Variants in SLC25A21 observed in about 807,000 individuals in gnomAD.
The protein encoded by SLC25A21 is mitochondrial 2-oxodicarboxylate carrier.
SLC25A21 carries 47 observed loss-of-function variants against 43.8 expected under a neutral mutation model. That is an observed-to-expected ratio of 1.07 (90% CI 0.85 to 1.37). SLC25A21 has a LOEUF of 1.37. SLC25A21 is among the 40% of genes most tolerant of loss of function. The probability of loss-of-function intolerance (pLI) is 0.00; values close to 1 mark genes in which losing one functional copy is unlikely to be tolerated. For missense variants in SLC25A21, 352 were observed against 350.2 expected, an observed-to-expected ratio of 1.00 and a Z score of -0.04; for synonymous variants, 131 against 121.3, an observed-to-expected ratio of 1.08 and a Z score of -0.52.
At chr14:36,960,003 T>G (rs146505286) in intron 1 of SLC25A21, among the ~76,000 whole-genome samples, 22 of 152,260 alleles carry the variant, frequency 1.4e-4, no homozygotes, top group Non-Finnish European at 2.6e-4. Flanking sequence ...AGAATACACT[T>G]TCTGCTTCTC....
At chr14:37,164,353 T>A (rs552257693) in intron 1 of SLC25A21, among the ~76,000 whole-genome samples, 1 of 152,318 alleles carries the variant, frequency 6.6e-6, no homozygotes, top group East Asian at 1.9e-4. Context: ...AAATAAGGGT[T>A]ATTTTTTTCT....
intron 2 of SLC25A21, among the ~76,000 whole-genome samples, chr14:36,817,741 C>G (rs534326190): frequency 6.6e-6 from 1 of 152,258 alleles, no homozygotes; most frequent in Non-Finnish European, 1.5e-5. Context: ...CGTCCTATGT[C>G]TAGATATTCA....
intron 1 of SLC25A21, among the ~76,000 whole-genome samples, chr14:36,958,663 A>C (rs1959403296): frequency 6.9e-6 from 1 of 144,716 alleles, no homozygotes; most frequent in African/African-American, 2.7e-5. Context: ...GTAGAGATGT[A>C]CACATAAGCA....
At chr14:37,007,377 C>G (rs1323318216) in intron 1 of SLC25A21, among the ~76,000 whole-genome samples, 5 of 151,920 alleles carry the variant, frequency 3.3e-5, no homozygotes. Context: ...CTGAGGCAGT[C>G]AGATCACTTA....
At chr14:37,132,039 A>G (rs560431252) in intron 1 of SLC25A21, among the ~76,000 whole-genome samples, 1 of 152,248 alleles carries the variant, frequency 6.6e-6, no homozygotes, top group African/African-American at 2.4e-5. Flanking sequence ...TAAGTCCAAT[A>G]CCAAGATGCC....
At chr14:36,779,619 T>C (rs1361160921) in intron 3 of SLC25A21, among the ~76,000 whole-genome samples, 1 of 82,650 alleles carries the variant, frequency 1.2e-5, no homozygotes, top group Non-Finnish European at 2.4e-5. Flanking sequence ...CATATATATA[T>C]ATATATATAT....
chr14:37,137,847 C>T (rs1281733474), intron 1 of SLC25A21, among the ~76,000 whole-genome samples: 3 of 152,046 alleles, frequency 2.0e-5, no homozygotes, highest in Non-Finnish European at 4.4e-5. Context: ...TCAATGAATT[C>T]GTTCTACAGG....
chr14:36,984,195 A>C (rs1309315131), intron 1 of SLC25A21, among the ~76,000 whole-genome samples: 1 of 152,196 alleles, frequency 6.6e-6, no homozygotes, highest in African/African-American at 2.4e-5. Flanking sequence ...AATAGTGGCA[A>C]TTGGATTCTG....
chr14:36,683,261 C>T (rs1454325197), intron 9 of SLC25A21, among the ~76,000 whole-genome samples: 2 of 152,164 alleles, frequency 1.3e-5, no homozygotes, highest in Non-Finnish European at 2.9e-5. Context: ...TGTGGGTAGG[C>T]GTCCTGAAGT....
At chr14:36,735,957 G>C (rs1352524869) in intron 3 of SLC25A21, among the ~76,000 whole-genome samples, 1 of 57,524 alleles carries the variant, frequency 1.7e-5, no homozygotes, top group African/African-American at 9.4e-5. Context: ...TTTTTTTTGA[G>C]ACCGAGTCTC....
intron 1 of SLC25A21, among the ~76,000 whole-genome samples, chr14:36,879,575 T>C (rs531239113): frequency 3.3e-5 from 5 of 152,264 alleles, no homozygotes; most frequent in African/African-American, 1.2e-4. Context: ...AATGCATGGG[T>C]TATCCCCTGA....
intron 1 of SLC25A21, among the ~76,000 whole-genome samples, chr14:37,112,879 A>G: frequency 6.6e-6 from 1 of 152,134 alleles, no homozygotes; most frequent in East Asian, 1.9e-4. Flanking sequence ...ACTGTATTTT[A>G]GGGTGTCTTT....
chr14:36,919,628 T>C (rs1346297409), intron 1 of SLC25A21, among the ~76,000 whole-genome samples: 1 of 133,630 alleles, frequency 7.5e-6, no homozygotes, highest in Non-Finnish European at 1.6e-5. Flanking sequence ...TCTACCTATC[T>C]ATCTATCTAT....
chr14:36,854,534 G>A (rs1240446701), intron 2 of SLC25A21, among the ~76,000 whole-genome samples: 1 of 152,134 alleles, frequency 6.6e-6, no homozygotes, highest in Non-Finnish European at 1.5e-5. Context: ...TTTCCTACAT[G>A]GGCTTGTTAG....
rs900601327 is a variant in SLC25A21, at chr14:37,163,335, G to C, written c.70+8946C>G. Among the ~76,000 whole-genome samples, 62 of 151,408 alleles carry C rather than the reference G, an allele frequency of 4.1e-4. 2 individuals carry two copies. The highest frequency in any genetic ancestry group is 8.8e-5 in the Non-Finnish European group (6 of 67,884). ...AAATAAATAAAAAGAAATTTCTGTT[G>C]TTTATGCTGCCCAGTTTGTGGTGCA... On this transcript the variant is annotated intron_variant, in intron 1 of 9. Coordinates refer to ENST00000331299, the MANE Select transcript of SLC25A21 (RefSeq NM_030631.4).
chr14:36,731,534 T>C (rs1884825676), intron 4 of SLC25A21, among the ~76,000 whole-genome samples: 1 of 152,226 alleles, frequency 6.6e-6, no homozygotes. Context: ...TTTTATTCCC[T>C]GTAACTTAGG....
At chr14:37,042,546 A>T (rs1961496286) in intron 1 of SLC25A21, among the ~76,000 whole-genome samples, 1 of 152,234 alleles carries the variant, frequency 6.6e-6, no homozygotes. Flanking sequence ...TACTCTTTAG[A>T]TATAACTTGA....
intron 1 of SLC25A21, among the ~76,000 whole-genome samples, chr14:37,149,881 G>C (rs1963729800): frequency 6.6e-6 from 1 of 152,018 alleles, no homozygotes; most frequent in African/African-American, 2.4e-5. Context: ...AAAGACATGG[G>C]AAAGTTATAC....
chr14:37,158,873 G>A (rs1180962360), intron 1 of SLC25A21, among the ~76,000 whole-genome samples: 6 of 152,068 alleles, frequency 3.9e-5, no homozygotes, highest in Non-Finnish European at 8.8e-5. Context: ...TTTGATAAAT[G>A]AATGTAGTAA....
Sources: gnomAD v4.1 joint callset for allele counts (sites outside exome capture counted in the v4.1 genomes callset) on GRCh38, gnomAD v4.1.1 for gene constraint, MANE v1.5 for transcripts, NCBI Gene and HGNC (gene_info 2026-07-23, HGNC 2026-07-21) for gene names.